Variants in MTOR observed in about 807,000 individuals in gnomAD.
The protein encoded by MTOR is serine/threonine-protein kinase mTOR.
MTOR carries 70 observed loss-of-function variants against 319.8 expected under a neutral mutation model. The observed-to-expected ratio is 0.22, with a 90% confidence interval of 0.18 to 0.27. The LOEUF (loss-of-function observed/expected upper bound fraction) is 0.27. MTOR is among the 10% of genes least tolerant of loss of function. The pLI is 1.00. For missense variants in MTOR, 1,890 were observed against 3,274.4 expected, an observed-to-expected ratio of 0.58 and a Z score of 10.32; for synonymous variants, 1,183 against 1,211.4, an observed-to-expected ratio of 0.98 and a Z score of 0.49.
In MTOR at chr1:11,228,992, C is replaced by T; in HGVS notation, c.2780-74G>A. 7.1e-6 allele frequency: 11 copies of T among 1,539,168 alleles called. No homozygotes were observed. In the South Asian group the frequency reaches 1.2e-4, roughly 17 times the overall value. On this transcript the variant is annotated intron_variant, in intron 18 of 57. Coordinates refer to ENST00000361445, the MANE Select transcript of MTOR (RefSeq NM_004958.4). ...ACTTCAGGCAGAGCATGGTTAGTAA[C>T]AAACAACCTCCTAACAGACATTAGC...
intron 28 of MTOR, chr1:11,193,689 G>A (rs1645651398): frequency 6.2e-7 from 1 of 1,614,028 alleles, no homozygotes; most frequent in Non-Finnish European, 8.5e-7. Context: ...CAGGGCTTTG[G>A]CAGCATCCGT....
chr1:11,142,897 A>G (rs1251076756), intron 34 of MTOR, among the ~76,000 whole-genome samples: 1 of 152,160 alleles, frequency 6.6e-6, no homozygotes, highest in East Asian at 1.9e-4. Flanking sequence ...AGTAACAAAC[A>G]TGTATTTTTC....
intron 28 of MTOR, chr1:11,189,239 A>G (rs1645424340): frequency 4.7e-6 from 1 of 212,758 alleles, no homozygotes; most frequent in Non-Finnish European, 9.5e-6. Flanking sequence ...GACTTCACCC[A>G]ACAGGCACCT....
intron 53 of MTOR, among the ~76,000 whole-genome samples, chr1:11,113,911 G>A (rs747089247): frequency 1.7e-4 from 26 of 152,288 alleles, no homozygotes; most frequent in Non-Finnish European, 3.2e-4. Context: ...TGCTGTTCTC[G>A]TGATAGTGAC....
Position 11,121,330 on chromosome 1 carries a change from C to T in MTOR, c.6849G>A (p.Lys2283=). ...TGACGGCATGCTCAAACACCTCCAC[C>T]TTCTGCATCAGAGTCAAGTGGTCAT... The part of the protein sequence containing the change: ...PDYDHLTLMQ[K]VEVFEHAVNN... The change falls in exon 49 of 58, where the codon AAG becomes AAA. Residue 2283 remains lysine, a synonymous_variant. Coordinates refer to ENST00000361445, the MANE Select transcript of MTOR (RefSeq NM_004958.4). The surrounding 1 kb of genome is among the most constrained non-coding windows in gnomAD (Gnocchi z 4.9). The T allele has an allele frequency of 6.2e-7, 1 of 1,614,202 alleles. No homozygotes were observed. Among genetic ancestry groups the T allele is most frequent in the Non-Finnish European group, 8.5e-7 (1 of 1,180,050 alleles).
At chr1:11,220,591 C>G (rs182467722) in intron 19 of MTOR, among the ~76,000 whole-genome samples, 44 of 152,166 alleles carry the variant, frequency 2.9e-4, no homozygotes, top group African/African-American at 5.3e-4. Context: ...ACAAACACGA[C>G]ATAAAACGAC....
Position 11,121,428 on chromosome 1 carries a change from G to C in MTOR, c.6811-60C>G. 3.8e-5 allele frequency: 61 copies of C among 1,602,254 alleles called. No individual in the cohort carries two copies. In the South Asian group the frequency reaches 6.3e-4, roughly 17 times the overall value. On this transcript the variant is annotated intron_variant, in intron 48 of 57. Transcript: ENST00000361445. This position sits in a 1 kb window ranked among gnomAD's most constrained non-coding sequence, Gnocchi z 4.9. ...GCCTAAGACATGTAGTTTGGGTCCA[G>C]GAAGAAACAAGGCTTGGGGTCCAGG... is the stretch of plus-strand genomic sequence containing the variant.
At chr1:11,132,102 G>A (rs183290555) in intron 38 of MTOR, 1 of 152,096 alleles carries the variant, frequency 6.6e-6, no homozygotes, top group Non-Finnish European at 1.5e-5. Flanking sequence ...AAAACAAAAG[G>A]GACCCACATT....
At chr1:11,130,206 C>T (rs1044231960) in intron 39 of MTOR, among the ~76,000 whole-genome samples, 9 of 152,154 alleles carry the variant, frequency 5.9e-5, no homozygotes, top group Admixed American at 2.6e-4. Flanking sequence ...GATGGACCTC[C>T]CAAGCCCCAT....
At chr1:11,237,027 A>G (rs1647301486) in intron 13 of MTOR, among the ~76,000 whole-genome samples, 1 of 152,218 alleles carries the variant, frequency 6.6e-6, no homozygotes, top group African/African-American at 2.4e-5. Flanking sequence ...TGAGTTACAT[A>G]TATTAATGAT....
Position 11,224,083 on chromosome 1 carries a change from T to TAAAATAAAATA in MTOR, c.3030+4584_3030+4585insTATTTTATTTT, listed in dbSNP as rs539349195. Among the ~76,000 whole-genome samples the TAAAATAAAATA allele has an allele frequency of 4.7e-5, 7 of 150,120 alleles. No homozygotes were observed. In the South Asian group the frequency reaches 1.5e-3, roughly 32 times the overall value. On this transcript the variant is annotated intron_variant, in intron 19 of 57. Transcript: ENST00000361445. ...TAAAATAAAATAAAATAAAATAAAA[T>TAAAATAAAATA]AAATAGGCCAAATATAACAGCAATC...
chr1:11,232,579 G>GA (rs1351084269), intron 15 of MTOR, 51 bp from the exon 16 acceptor site: 2 of 1,545,212 alleles, frequency 1.3e-6, no homozygotes, highest in Non-Finnish European at 1.8e-6. Context: ...TCTGGCATTA[G>GA]AAAGTATTTT....
At chr1:11,229,400 C>T (rs964470401) in intron 18 of MTOR, among the ~76,000 whole-genome samples, 3 of 152,060 alleles carry the variant, frequency 2.0e-5, no homozygotes, top group African/African-American at 4.8e-5. Context: ...ACGGTGGCAG[C>T]GGGGGCAGTG....
chr1:11,227,349 AAT>A (rs1646879224), intron 19 of MTOR, among the ~76,000 whole-genome samples: 1 of 151,894 alleles, frequency 6.6e-6, no homozygotes, highest in South Asian at 2.1e-4. Flanking sequence ...GATAGTTATA[AAT>A]ACAATAGAAA....
At chr1:11,181,180 T>C (rs1338508905) in intron 28 of MTOR, among the ~76,000 whole-genome samples, 1 of 152,108 alleles carries the variant, frequency 6.6e-6, no homozygotes, top group African/African-American at 2.4e-5. Flanking sequence ...ATCAGACATG[T>C]CATTTACACT....
At chr1:11,170,540 A>G (rs559468352) in intron 28 of MTOR, among the ~76,000 whole-genome samples, 1 of 151,858 alleles carries the variant, frequency 6.6e-6, no homozygotes, top group African/African-American at 2.4e-5. Context: ...ACACAGTGAG[A>G]CCCCATCTCT....
intron 28 of MTOR, among the ~76,000 whole-genome samples, chr1:11,191,163 G>T (rs969404043): frequency 1.2e-4 from 18 of 152,190 alleles, no homozygotes; most frequent in Non-Finnish European, 1.9e-4. Flanking sequence ...CTGCAAGGAG[G>T]TTCTTGGGGT....
In MTOR at chr1:11,210,812, A is replaced by T; in HGVS notation, c.3654+2T>A. On this transcript the variant is annotated splice_donor_variant, in intron 24 of 57. Coordinates refer to ENST00000361445, the MANE Select transcript of MTOR (RefSeq NM_004958.4). LOFTEE classifies it high-confidence loss of function. The stretch of plus-strand genomic sequence containing the variant: ...TCAGAACAGAAAAGAAGTATAGTTC[A>T]CCTTGACAATTCTGCAGATGAGCAC... The T allele has an allele frequency of 6.2e-7, 1 of 1,603,848 alleles. No homozygotes were observed. The highest frequency in any genetic ancestry group is 8.5e-7 in the Non-Finnish European group (1 of 1,172,170).
chr1:11,244,372 C>T (rs1648532619), intron 8 of MTOR, among the ~76,000 whole-genome samples: 1 of 151,658 alleles, frequency 6.6e-6, no homozygotes, highest in Admixed American at 6.6e-5. Flanking sequence ...GTGGCTCACG[C>T]CTGTAATCCC....
Sources: allele counts gnomAD v4.1 joint callset (sites outside exome capture counted in the v4.1 genomes callset), GRCh38; gene constraint gnomAD v4.1.1; non-coding constraint Gnocchi (gnomAD v3.1); transcripts MANE v1.5; gene names NCBI Gene and HGNC (gene_info 2026-07-23, HGNC 2026-07-21).